Variants in LEO1 observed in about 807,000 individuals in gnomAD.
The protein encoded by LEO1 is RNA polymerase-associated protein LEO1.
Under a neutral mutation model 80.4 loss-of-function variants are expected in LEO1, and 34 were observed. That is an observed-to-expected ratio of 0.42 (90% CI 0.32 to 0.56). The LOEUF is 0.56. Among genes scored for constraint, LEO1 ranks in the 20% least tolerant of loss-of-function variants. LEO1 has a pLI of 0.10. For missense variants in LEO1, 631 were observed against 814.2 expected (o/e 0.77, Z 2.74); for synonymous variants, 262 against 274.9 (o/e 0.95, Z 0.46).
intron 1 of LEO1, among the ~76,000 whole-genome samples, chr15:51,969,035 C>A (rs900397034): frequency 3.9e-5 from 6 of 152,116 alleles, no homozygotes; most frequent in Non-Finnish European, 5.9e-5. Context: ...GTGGTGCAAT[C>A]TTGGCTCACT....
chr15:51,950,105 G>A (rs2056936929), intron 9 of LEO1, 111 bp from the exon 10 acceptor site: 1 of 955,744 alleles, frequency 1.0e-6, no homozygotes, highest in African/African-American at 1.7e-5. Flanking sequence ...TAACAGCTGT[G>A]CCGTGTGTGT....
chr15:51,970,767 C>T (rs968751523), intron 1 of LEO1, among the ~76,000 whole-genome samples: 2 of 152,108 alleles, frequency 1.3e-5, no homozygotes, highest in African/African-American at 4.8e-5. Flanking sequence ...CTACAAGAGA[C>T]TCACTTTACT....
At chr15:51,956,129 C>G (rs1037431392) in intron 6 of LEO1, among the ~76,000 whole-genome samples, 1 of 152,018 alleles carries the variant, frequency 6.6e-6, no homozygotes, top group Non-Finnish European at 1.5e-5. Flanking sequence ...CATATAAATA[C>G]ACAAATATGC....
At chr15:51,948,632 A>G (rs1373429980) in intron 10 of LEO1, among the ~76,000 whole-genome samples, 7 of 152,224 alleles carry the variant, frequency 4.6e-5, no homozygotes, top group Non-Finnish European at 5.9e-5. Context: ...TAAATGTATT[A>G]TATTATGTAA....
At position 51,960,025 on chromosome 15, in the gene LEO1, T is replaced by TGG. The variant is rs2057017867; in HGVS notation, c.1033_1034insCC (p.Gln345ProfsTer15). 1 of 1,612,450 alleles carries TGG rather than the reference T, an allele frequency of 6.2e-7. No individual in the cohort carries two copies. On this transcript the variant is annotated frameshift_variant, in exon 5 of 12. Transcript: ENST00000299601. LOFTEE classifies it high-confidence loss of function. ...AATTGGCTCCTCTTCCTGTTGATCC[T>TGG]GAGGCAATCCATTTTCATCCTAGTG...
chr15:51,961,700 G>A (rs150849934), intron 3 of LEO1, among the ~76,000 whole-genome samples: 5 of 151,600 alleles, frequency 3.3e-5, no homozygotes, highest in Admixed American at 6.6e-5. Flanking sequence ...AGCCAACACT[G>A]GGTTTTTATG....
In LEO1 at chr15:51,938,108, T is replaced by C; in HGVS notation, c.*48A>G. ...AATCAAAATAACTCATGTTTACATA[T>C]TTATAACTGTACAATAAAATATATA... is the stretch of plus-strand genomic sequence containing the variant. On this transcript the variant is annotated 3_prime_UTR_variant, in exon 12 of 12. Coordinates refer to ENST00000299601, the MANE Select transcript of LEO1 (RefSeq NM_138792.4). 1.0e-6 allele frequency: 1 copy of C among 954,158 alleles called. No individual in the cohort carries two copies. The highest frequency in any genetic ancestry group is 1.6e-6 in the Non-Finnish European group (1 of 622,550). 59.1% of individuals were successfully genotyped at this position (954,158 alleles called of 1,614,324 possible). A position where few individuals can be genotyped will look rare whatever the true frequency, so the allele number is the denominator to read the frequency against.
chr15:51,962,472 C>T lies in LEO1; in HGVS notation c.836G>A (p.Ser279Asn), dbSNP rs1198016798. 1 of 1,612,200 alleles carries T rather than the reference C, an allele frequency of 6.2e-7. No homozygotes were observed. The highest frequency in any genetic ancestry group is 8.5e-7 in the Non-Finnish European group (1 of 1,178,486). ...TTTCATTCGTAAAACTTCATCTTCACTATCACTGCCTCTTGCAGATTCTAT... is the reference window on the plus strand; with the variant it reads ...TTTCATTCGTAAAACTTCATCTTCATTATCACTGCCTCTTGCAGATTCTAT... ...HKSESARGSDSEDEVLRMKRK... is the reference protein window; with the variant it reads ...HKSESARGSDNEDEVLRMKRK... Residue 279 changes from serine to asparagine, a missense_variant, in exon 3 of 12, where the codon AGT becomes AAT. Ser to Asn is a conservative substitution (Grantham distance 46, BLOSUM62 1). Around this residue, in one of 4 missense-constraint regions of LEO1, gnomAD observed 394 missense variants for 395.6 expected, o/e 1.00. Coordinates refer to ENST00000299601, the MANE Select transcript of LEO1 (RefSeq NM_138792.4).
intron 10 of LEO1, 92 bp downstream of exon 10, chr15:51,949,716 A>T (rs1045298574): frequency 1.8e-6 from 2 of 1,126,538 alleles, no homozygotes; most frequent in Non-Finnish European, 2.5e-6. Context: ...AAAAAAAAAA[A>T]GTCCAGTGAC....
chr15:51,940,916 G>A (rs964655321), intron 11 of LEO1, among the ~76,000 whole-genome samples: 1 of 151,982 alleles, frequency 6.6e-6, no homozygotes, highest in Non-Finnish European at 1.5e-5. Flanking sequence ...TGGCCAACAT[G>A]GTGAAACCCT....
At position 51,949,812 on chromosome 15, in the gene LEO1, A is replaced by T. The variant is rs954667156; in HGVS notation, c.1794T>A (p.Ile598=). 17 of 1,612,772 alleles carry T rather than the reference A, an allele frequency of 1.1e-5. No individual in the cohort carries two copies. The highest frequency in any genetic ancestry group is 1.8e-4 in the Middle Eastern group (1 of 5,500). ...TAATTTCCATACACGACTCACCTCGAATGCCCCCTTTATATCGGTTTTTAA... is the reference window on the plus strand; with the variant it reads ...TAATTTCCATACACGACTCACCTCGTATGCCCCCTTTATATCGGTTTTTAA... ...AAIKNRYKGG[I]REERARIYSS... The change falls in exon 10 of 12, where the codon ATT becomes ATA. Residue 598 remains isoleucine, a synonymous_variant. Transcript: ENST00000299601.
intron 11 of LEO1, among the ~76,000 whole-genome samples, chr15:51,943,223 C>T (rs2056870671): frequency 6.7e-6 from 1 of 150,326 alleles, no homozygotes; most frequent in African/African-American, 2.5e-5. Context: ...ACTAAAAATA[C>T]AAAAAACTAG....
chr15:51,944,389 CTAAAA>C (rs936158023), intron 11 of LEO1, among the ~76,000 whole-genome samples: 5 of 152,086 alleles, frequency 3.3e-5, no homozygotes, highest in Non-Finnish European at 7.4e-5. Context: ...GAAAATTGCC[CTAAAA>C]TTGCACAACC....
intron 8 of LEO1, chr15:51,952,255 G>A (rs1370357663): frequency 3.4e-5 from 8 of 237,840 alleles, no homozygotes; most frequent in African/African-American, 1.4e-4. Context: ...AAATGGATAC[G>A]CTCAAGCAAC....
chr15:51,964,200 C>G (rs1457590903), intron 2 of LEO1, among the ~76,000 whole-genome samples: 3 of 150,242 alleles, frequency 2.0e-5, no homozygotes, highest in Non-Finnish European at 3.0e-5. Context: ...AGCGAGACTC[C>G]GTCTCAAAAA....
At chr15:51,943,135 T>C (rs1408126811) in intron 11 of LEO1, among the ~76,000 whole-genome samples, 1 of 151,936 alleles carries the variant, frequency 6.6e-6, no homozygotes, top group East Asian at 1.9e-4. Context: ...ATCCCAGCAC[T>C]TTGGGAGACC....
At chr15:51,940,326 C>T (rs2448952) in intron 11 of LEO1, among the ~76,000 whole-genome samples, 1,684 of 148,952 alleles carry the variant, frequency 0.011, 30 homozygotes, top group African/African-American at 0.04. Context: ...TTTGGGAGGC[C>T]GAGGTGGGCA....
chr15:51,966,525 A>C, intron 1 of LEO1, 21 bp from the exon 2 acceptor site: 1 of 1,404,464 alleles, frequency 7.1e-7, no homozygotes, highest in Non-Finnish European at 9.9e-7. Flanking sequence ...ATATAAACAT[A>C]GGATAACATA....
At chr15:51,960,879 C>G (rs774460762) in intron 3 of LEO1, 146 bp from the exon 4 acceptor site, 1 of 596,612 alleles carries the variant, frequency 1.7e-6, no homozygotes, top group Non-Finnish European at 3.0e-6. Context: ...TCTCAAAGAC[C>G]CAACCAGAGA....
Sources: gnomAD v4.1 joint callset for allele counts (sites outside exome capture counted in the v4.1 genomes callset) on GRCh38, gnomAD v4.1.1 for gene constraint, gnomAD v4.1.1 regional missense constraint, MANE v1.5 for transcripts, NCBI Gene and HGNC (gene_info 2026-07-23, HGNC 2026-07-21) for gene names.